ERBB4: variants seen among roughly 807,000 people sequenced by gnomAD.
ERBB4 encodes the protein erb-b2 receptor tyrosine kinase 4, also known as receptor tyrosine-protein kinase erbB-4.
ERBB4 carries 42 observed loss-of-function variants against 158.0 expected under a neutral mutation model. The ratio of observed to expected loss-of-function variants is 0.27; its 90% CI spans 0.21 to 0.34. The LOEUF (loss-of-function observed/expected upper bound fraction) is 0.34, where lower values mean the gene tolerates loss of function less well. Among genes scored for constraint, ERBB4 ranks in the 10% least tolerant of loss-of-function variants. ERBB4 has a pLI of 1.00. For synonymous variants in ERBB4, 583 were observed against 558.7 expected, an observed-to-expected ratio of 1.04 and a Z score of -0.61; for missense variants, 1,333 against 1,624.1, an observed-to-expected ratio of 0.82 and a Z score of 3.08.
intron 1 of ERBB4, among the ~76,000 whole-genome samples, chr2:212,170,784 C>A (rs2081492302): frequency 6.6e-6 from 1 of 152,144 alleles, no homozygotes; most frequent in Admixed American, 6.6e-5. Context: ...GGTTTGGGAA[C>A]CTCTGCCTCG....
At chr2:211,844,761 T>C (rs16847003) in intron 3 of ERBB4, among the ~76,000 whole-genome samples, 17,426 of 152,220 alleles carry the variant, frequency 0.11, 1,237 homozygotes, top group African/African-American at 0.2. Context: ...TTCTTCAATA[T>C]TCCAGAGTGA....
chr2:211,722,426 T>C lies in ERBB4; in HGVS notation c.850A>G (p.Thr284Ala), dbSNP rs1006263017. 2 of 1,613,942 alleles carry C rather than the reference T, an allele frequency of 1.2e-6. No individual in the cohort carries two copies. The highest frequency in any genetic ancestry group is 1.7e-6 in the Non-Finnish European group (2 of 1,179,794). The part of the protein sequence containing the change: ...QLEHNFNAKY[T>A]YGAFCVKKCP... ...TTCTTGACACAGAATGCTCCATATG[T>C]GTACTTTGCATTGAAATTGTGCTCC... Residue 284 changes from threonine to alanine, a missense_variant, in exon 7 of 28, where the codon ACA (threonine) becomes GCA (alanine). Physicochemically the swap from Thr to Ala is moderately conservative, Grantham distance 58 (BLOSUM62 0). Coordinates refer to ENST00000342788, the MANE Select transcript of ERBB4 (RefSeq NM_005235.3).
intron 2 of ERBB4, among the ~76,000 whole-genome samples, chr2:212,085,461 C>T (rs1339710674): frequency 6.6e-6 from 1 of 151,806 alleles, no homozygotes; most frequent in Non-Finnish European, 1.5e-5. Context: ...TAGGCACATC[C>T]TCAACCTCTT....
rs34614862 is a variant in ERBB4 at position 211,934,926 on chromosome 2, T to TAAAAAAAAA, written c.421+12495_421+12503dup. 2.9e-4 allele frequency among the ~76,000 whole-genome samples: 25 copies of TAAAAAAAAA among 86,632 alleles called. 2 individuals are homozygous for TAAAAAAAAA. Among genetic ancestry groups the TAAAAAAAAA allele is most frequent in the Admixed American group, 5.6e-4 (5 of 8,956 alleles). 56.8% of individuals were successfully genotyped at this position (86,632 alleles called of 152,430 possible). On this transcript the variant is annotated intron_variant, in intron 3 of 27. Transcript: ENST00000342788. Reference sequence around the variant, plus strand: ...TACACTAAGCAAAGTCTCATTCAGCTAAAAAAAAAAAAAAACTGCCTTGAA... The same window carrying TAAAAAAAAA: ...TACACTAAGCAAAGTCTCATTCAGCTAAAAAAAAAAAAAAAAAAAAAAAACTGCCTTGAA...
chr2:212,267,183 T>C (rs1350189392), intron 1 of ERBB4, among the ~76,000 whole-genome samples: 5 of 152,020 alleles, frequency 3.3e-5, no homozygotes, highest in African/African-American at 1.2e-4. Context: ...AAAAGTTAAA[T>C]TGAAGAGCTG....
At chr2:211,422,509 T>G (rs2125408137) in intron 23 of ERBB4, among the ~76,000 whole-genome samples, 1 of 145,044 alleles carries the variant, frequency 6.9e-6, no homozygotes, top group Middle Eastern at 3.6e-3. Flanking sequence ...AAAAAAAAAC[T>G]AATGCAAAGT....
intron 2 of ERBB4, among the ~76,000 whole-genome samples, chr2:212,050,384 A>C (rs1473364099): frequency 6.6e-6 from 1 of 152,046 alleles, no homozygotes; most frequent in Non-Finnish European, 1.5e-5. Flanking sequence ...AATGAGAAAA[A>C]TTTCATTTCC....
At chr2:212,254,754 A>C (rs1270399790) in intron 1 of ERBB4, among the ~76,000 whole-genome samples, 1 of 152,170 alleles carries the variant, frequency 6.6e-6, no homozygotes, top group Non-Finnish European at 1.5e-5. Context: ...CAGGATGTGC[A>C]GTGTTTATGC....
intron 3 of ERBB4, among the ~76,000 whole-genome samples, chr2:211,905,971 G>T (rs1193351515): frequency 6.6e-6 from 1 of 151,678 alleles, no homozygotes; most frequent in Admixed American, 6.6e-5. Context: ...TGGCTGGAAT[G>T]CAGTGAGAAA....
intron 22 of ERBB4, among the ~76,000 whole-genome samples, chr2:211,426,623 A>G (rs2063634184): frequency 6.6e-6 from 1 of 152,098 alleles, no homozygotes; most frequent in Admixed American, 6.6e-5. Context: ...AAATTTTACT[A>G]TTAAAAATAT....
At chr2:211,669,590 A>C (rs1032577796) in intron 14 of ERBB4, among the ~76,000 whole-genome samples, 6 of 152,180 alleles carry the variant, frequency 3.9e-5, no homozygotes, top group Admixed American at 1.3e-4. Context: ...AAATTAAATA[A>C]AATATAGAAG....
At chr2:211,441,148 C>T (rs2063965178) in intron 20 of ERBB4, among the ~76,000 whole-genome samples, 1 of 152,120 alleles carries the variant, frequency 6.6e-6, no homozygotes, top group Non-Finnish European at 1.5e-5. Flanking sequence ...CCCACTTTGA[C>T]ACACATCCTT....
At chr2:211,445,971 G>T (rs1159093941) in intron 20 of ERBB4, among the ~76,000 whole-genome samples, 1 of 152,178 alleles carries the variant, frequency 6.6e-6, no homozygotes, top group Non-Finnish European at 1.5e-5. Context: ...GTTTGTAAAG[G>T]AAGAGACATT....
intron 1 of ERBB4, among the ~76,000 whole-genome samples, chr2:212,243,332 G>C (rs78699385): frequency 6.6e-6 from 1 of 152,110 alleles, no homozygotes; most frequent in African/African-American, 2.4e-5. Flanking sequence ...CATATTGGGA[G>C]GTTATTATTT....
chr2:211,810,764 C>T (rs1387475122), intron 3 of ERBB4, among the ~76,000 whole-genome samples: 5 of 150,938 alleles, frequency 3.3e-5, no homozygotes, highest in Non-Finnish European at 5.9e-5. Flanking sequence ...GCTCCGCTTC[C>T]CGGGTTCACG....
rs113235183 is a variant in ERBB4 at position 212,235,415 on chromosome 2, C to T, written c.83-110512G>A. 4.8e-3 allele frequency among the ~76,000 whole-genome samples: 732 copies of T among 151,940 alleles called. 7 individuals are homozygous for T. The highest frequency in any genetic ancestry group is 0.017 in the Middle Eastern group (5 of 294). On this transcript the variant is annotated intron_variant, in intron 1 of 27. Transcript: ENST00000342788. ...TGCTTGAAGTCAGGTAGCATGATGC[C>T]TCCAGGTTTTTGCACAGGATCCTCT...
chr2:211,479,629 C>G (rs1470314596), intron 20 of ERBB4, among the ~76,000 whole-genome samples: 1 of 152,142 alleles, frequency 6.6e-6, no homozygotes, highest in Non-Finnish European at 1.5e-5. Flanking sequence ...CCACAAATAT[C>G]TATCGGCACA....
rs1216222413 is a variant in ERBB4 at position 211,709,272 on chromosome 2, T to TATATATATATATATAC, written c.1124+2777_1124+2778insGTATATATATATATAT. On this transcript the variant is annotated intron_variant, in intron 9 of 27. Transcript: ENST00000342788. ...ATATACACATATATATATATATATA[T>TATATATATATATATAC]ATACATACATATATATATACATATA... Among the ~76,000 whole-genome samples, 97 of 141,052 alleles carry TATATATATATATATAC rather than the reference T, an allele frequency of 6.9e-4. 1 individual carries two copies. The highest frequency in any genetic ancestry group is 2.6e-3 in the African/African-American group (92 of 35,924). 92.5% of individuals were successfully genotyped at this position (141,052 alleles called of 152,430 possible).
intron 20 of ERBB4, among the ~76,000 whole-genome samples, chr2:211,543,745 C>A (rs933293038): frequency 6.6e-6 from 1 of 150,976 alleles, no homozygotes; most frequent in African/African-American, 2.4e-5. Flanking sequence ...ATGGAAATGT[C>A]GACAGACTCT....
Sources: gnomAD v4.1 joint callset for allele counts (sites outside exome capture counted in the v4.1 genomes callset) on GRCh38, gnomAD v4.1.1 for gene constraint, MANE v1.5 for transcripts, NCBI Gene and HGNC (gene_info 2026-07-23, HGNC 2026-07-21) for gene names.